The following MAPRE2 variants were observed in gnomAD, a reference collection of about 807,000 sequenced individuals.
The protein encoded by MAPRE2 is microtubule associated protein RP/EB family member 2.
MAPRE2 carries 13 observed loss-of-function variants against 43.2 expected under a neutral mutation model. The observed-to-expected ratio is 0.30, with a 90% CI of 0.20 to 0.48. The LOEUF is 0.48. Ranked by LOEUF, MAPRE2 falls within the 20% of genes least tolerant of loss-of-function variation. The probability of loss-of-function intolerance (pLI) is 0.99; values close to 1 mark genes in which losing one functional copy is unlikely to be tolerated. For synonymous variants in MAPRE2, 135 were observed against 148.8 expected, an observed-to-expected ratio of 0.91 and a Z score of 0.68; for missense variants, 161 against 400.2, an observed-to-expected ratio of 0.40 and a Z score of 5.10.
At chr18:35,061,654 A>G (rs1011074466) in intron 1 of MAPRE2, among the ~76,000 whole-genome samples, 3 of 152,206 alleles carry the variant, frequency 2.0e-5, no homozygotes, top group African/African-American at 7.2e-5. Flanking sequence ...CAGCCCTAGA[A>G]TCCATGCATA....
At chr18:35,137,957 A>G (rs1251981691) in intron 6 of MAPRE2, among the ~76,000 whole-genome samples, 3 of 152,324 alleles carry the variant, frequency 2.0e-5, no homozygotes, top group South Asian at 2.1e-4. Flanking sequence ...TGTTAGTTTC[A>G]TTCTTCTCCC....
intron 1 of MAPRE2, among the ~76,000 whole-genome samples, chr18:34,986,830 T>C (rs2097021248): frequency 6.6e-6 from 1 of 152,216 alleles, no homozygotes; most frequent in Admixed American, 6.5e-5. Context: ...AAGATTTGTT[T>C]TGGTGTATCT....
At chr18:35,131,400 A>G (rs9950136) in intron 5 of MAPRE2, among the ~76,000 whole-genome samples, 3,343 of 152,294 alleles carry the variant, frequency 0.022, 116 homozygotes, top group African/African-American at 0.076. Context: ...TATAAACAAC[A>G]GAAATTTACT....
chr18:35,087,026 A>T (rs926379638), intron 2 of MAPRE2, among the ~76,000 whole-genome samples: 1 of 152,094 alleles, frequency 6.6e-6, no homozygotes, highest in Non-Finnish European at 1.5e-5. Flanking sequence ...ATCTGGTGAA[A>T]ATGAAATTGT....
chr18:35,005,477 T>C (rs2097031429), intron 1 of MAPRE2: 3 of 1,504,082 alleles, frequency 2.0e-6, no homozygotes, highest in Admixed American at 4.1e-5. Context: ...TTTTCTTCCA[T>C]TTTTACTATC....
At chr18:35,093,336 G>A (rs911121941) in intron 2 of MAPRE2, among the ~76,000 whole-genome samples, 2 of 151,246 alleles carry the variant, frequency 1.3e-5, no homozygotes, top group Non-Finnish European at 2.9e-5. Flanking sequence ...AATTAGTACA[G>A]CCATTATAAA....
intron 2 of MAPRE2, among the ~76,000 whole-genome samples, chr18:35,096,565 A>G (rs1034407755): frequency 1.3e-5 from 2 of 148,922 alleles, no homozygotes; most frequent in Non-Finnish European, 1.5e-5. Flanking sequence ...CATTTCTGTC[A>G]TGTTTCTTAG....
intron 2 of MAPRE2, among the ~76,000 whole-genome samples, chr18:35,092,036 G>A (rs1016394353): frequency 6.6e-6 from 1 of 152,160 alleles, no homozygotes; most frequent in African/African-American, 2.4e-5. Flanking sequence ...AGAGAGATGT[G>A]GGAGTTGCTT....
chr18:35,005,454 G>C (rs373071750), intron 1 of MAPRE2: 11 of 1,284,028 alleles, frequency 8.6e-6, no homozygotes, highest in Non-Finnish European at 1.2e-5. Flanking sequence ...CATATTAAAT[G>C]CTTGCACTCT....
At position 35,035,367 on chromosome 18, in the gene MAPRE2, TG is replaced by T. The variant is rs1391858775; in HGVS notation, c.-8+29820del. On this transcript the variant is annotated intron_variant, in intron 2 of 7. Transcript: ENST00000413393. ...TCACACTCTGGGGACGGTTGTGGGG[TG>T]GGGGGAGAGGGGAGGGATAGCATTA... 1.4e-4 allele frequency among the ~76,000 whole-genome samples: 8 copies of T among 58,894 alleles called. 1 individual carries two copies. The highest frequency in any genetic ancestry group is 5.4e-4 in the African/African-American group (8 of 14,848). The allele number at this position is 58,894 out of a possible 152,430, so 38.6% of individuals were successfully genotyped here.
chr18:35,057,507 C>CGTGCGTGT lies in MAPRE2; in HGVS notation c.123-12685_123-12684insCGTGTGTG, dbSNP rs369602242. On this transcript the variant is annotated intron_variant, in intron 1 of 6. Coordinates refer to ENST00000300249, the MANE Select transcript of MAPRE2 (RefSeq NM_014268.4). The stretch of plus-strand genomic sequence containing the variant: ...AGAGAGATACTGCAAGGAGTGTGTG[C>CGTGCGTGT]GTGTGTGTGTGTGTGTGTGTGTGTA... Among the ~76,000 whole-genome samples, 754 of 149,512 alleles carry CGTGCGTGT rather than the reference C, an allele frequency of 5.0e-3. 5 individuals are homozygous for CGTGCGTGT. The highest frequency in any genetic ancestry group is 0.018 in the African/African-American group (735 of 40,552).
intron 1 of MAPRE2, among the ~76,000 whole-genome samples, chr18:34,979,108 AAC>A (rs2097014741): frequency 6.6e-6 from 1 of 152,130 alleles, no homozygotes. Flanking sequence ...GCCGATGACT[AAC>A]ACCCTGGGGC....
At chr18:35,073,175 C>T (rs1297048081) in intron 2 of MAPRE2, among the ~76,000 whole-genome samples, 1 of 152,078 alleles carries the variant, frequency 6.6e-6, no homozygotes, top group Non-Finnish European at 1.5e-5. Context: ...TACATTTTAC[C>T]CCAGACCAAC....
chr18:34,978,229 C>T (rs1485373591), intron 1 of MAPRE2: 3 of 495,288 alleles, frequency 6.1e-6, no homozygotes, highest in South Asian at 5.2e-5. Context: ...AAAAGAAGAA[C>T]AAAAGGAAAA....
At chr18:34,996,534 G>A (rs561163812) in intron 1 of MAPRE2, among the ~76,000 whole-genome samples, 2 of 152,230 alleles carry the variant, frequency 1.3e-5, no homozygotes, top group African/African-American at 4.8e-5. Context: ...CATGGTACCT[G>A]GAATCTAATA....
chr18:35,092,459 A>T (rs1481239185), intron 2 of MAPRE2, among the ~76,000 whole-genome samples: 1 of 152,228 alleles, frequency 6.6e-6, no homozygotes, highest in African/African-American at 2.4e-5. Context: ...ACAAAAATCA[A>T]CTCAAAATGG....
At chr18:35,050,300 A>G (rs1905869733) in intron 1 of MAPRE2, among the ~76,000 whole-genome samples, 1 of 152,232 alleles carries the variant, frequency 6.6e-6, no homozygotes, top group African/African-American at 2.4e-5. Flanking sequence ...GAAACATCTG[A>G]TAGATACTCA....
At chr18:35,075,820 A>G (rs1907323671) in intron 2 of MAPRE2, among the ~76,000 whole-genome samples, 1 of 152,182 alleles carries the variant, frequency 6.6e-6, no homozygotes. Context: ...TTCAGGCAGT[A>G]ATATATGGTA....
At chr18:35,022,315 G>A (rs758789775) in intron 2 of MAPRE2, among the ~76,000 whole-genome samples, 1 of 152,126 alleles carries the variant, frequency 6.6e-6, no homozygotes, top group Non-Finnish European at 1.5e-5. Flanking sequence ...GTTCAAATTA[G>A]TAAGTAAGTT....
Sources: allele counts gnomAD v4.1 joint callset (sites outside exome capture counted in the v4.1 genomes callset), GRCh38; gene constraint gnomAD v4.1.1; transcripts MANE v1.5; gene names NCBI Gene and HGNC (gene_info 2026-07-23, HGNC 2026-07-21).